Variants in MAP2K1 observed in about 807,000 individuals in gnomAD.
MAP2K1 encodes the protein dual specificity mitogen-activated protein kinase kinase 1.
In MAP2K1, 16 loss-of-function variants were observed where a neutral mutation model predicts 46.3. The observed-to-expected ratio is 0.35, with a 90% CI of 0.23 to 0.52. MAP2K1 has a LOEUF of 0.52. Ranked by LOEUF, MAP2K1 falls within the 20% of genes least tolerant of loss-of-function variation. MAP2K1 has a pLI of 0.94. For synonymous variants in MAP2K1, 183 were observed against 185.6 expected, an observed-to-expected ratio of 0.99 and a Z score of 0.11; for missense variants, 263 against 497.1, an observed-to-expected ratio of 0.53 and a Z score of 4.48.
chr15:66,481,499 TAG>T (rs1478790848), intron 5 of MAP2K1, among the ~76,000 whole-genome samples: 2 of 152,194 alleles, frequency 1.3e-5, no homozygotes, highest in African/African-American at 2.4e-5. Context: ...TCTGCATTCT[TAG>T]AGAGTGGAAA....
At chr15:66,389,463 C>A (rs1437392848) in intron 1 of MAP2K1, among the ~76,000 whole-genome samples, 5 of 151,950 alleles carry the variant, frequency 3.3e-5, no homozygotes, top group Non-Finnish European at 7.4e-5. Flanking sequence ...GAAGAAACTA[C>A]CCCAGATTTG....
At chr15:66,432,409 A>G (rs1260957534) in intron 1 of MAP2K1, among the ~76,000 whole-genome samples, 1 of 152,234 alleles carries the variant, frequency 6.6e-6, no homozygotes, top group Non-Finnish European at 1.5e-5. Flanking sequence ...AGGTGTAAGA[A>G]TTACTTATTT....
Position 66,485,170 on chromosome 15 carries a change from A to G in MAP2K1, c.874A>G (p.Thr292Ala), listed in dbSNP as rs769383345. The G allele has an allele frequency of 7.4e-6, 12 of 1,613,322 alleles. No individual in the cohort carries two copies. The highest frequency in any genetic ancestry group is 1.0e-5 in the Non-Finnish European group (12 of 1,179,914). Residue 292 changes from threonine to alanine, a missense_variant, in exon 7 of 11, where the codon ACC becomes GCC. By Grantham distance (58) the Thr-to-Ala change is moderately conservative. Coordinates refer to ENST00000307102, the MANE Select transcript of MAP2K1 (RefSeq NM_002755.4). ...DAAETPPRPR[T>A]PGRPLSSYGM... ...GGCTGAGACCCCACCCAGGCCAAGG[A>G]CCCCCGGGAGGCCCCTTAGCTGTGA...
At chr15:66,417,106 AT>A (rs2093426436) in intron 1 of MAP2K1, among the ~76,000 whole-genome samples, 1 of 152,090 alleles carries the variant, frequency 6.6e-6, no homozygotes, top group South Asian at 2.1e-4. Flanking sequence ...CCAAAGACTT[AT>A]TTCCCCACCC....
chr15:66,409,974 A>G (rs533336842), intron 1 of MAP2K1, among the ~76,000 whole-genome samples: 3 of 152,308 alleles, frequency 2.0e-5, no homozygotes, highest in African/African-American at 7.2e-5. Flanking sequence ...GAGTATAACC[A>G]CTTGTCCTTA....
intron 2 of MAP2K1, among the ~76,000 whole-genome samples, chr15:66,436,340 A>T (rs914941121): frequency 5.9e-5 from 9 of 152,248 alleles, no homozygotes; most frequent in African/African-American, 2.2e-4. Flanking sequence ...TCTCAACCAC[A>T]TCAGGCTCCT....
At chr15:66,455,070 C>G (rs889904116) in intron 5 of MAP2K1, among the ~76,000 whole-genome samples, 28 of 152,118 alleles carry the variant, frequency 1.8e-4, no homozygotes, top group Non-Finnish European at 4.0e-4. Context: ...CAACTGTCCT[C>G]TCCTAGCCTT....
chr15:66,395,573 A>ATTTTT lies in MAP2K1; in HGVS notation c.80+8161_80+8165dup, dbSNP rs58172562. On this transcript the variant is annotated intron_variant, in intron 1 of 10. Coordinates refer to ENST00000307102, the MANE Select transcript of MAP2K1 (RefSeq NM_002755.4). Reference sequence around the variant, plus strand: ...ATGCCCTCCTCCACTTTCTTGCATGATTTTTTTTTTTTTTTTTTTGAGACG... The same window carrying ATTTTT: ...ATGCCCTCCTCCACTTTCTTGCATGATTTTTTTTTTTTTTTTTTTTTTTTGAGACG... Among the ~76,000 whole-genome samples the ATTTTT allele has an allele frequency of 2.4e-3, 239 of 98,544 alleles. 3 individuals are homozygous for ATTTTT. The highest frequency in any genetic ancestry group is 4.4e-3 in the South Asian group (12 of 2,702). The allele number at this position is 98,544 out of a possible 152,430, so 64.6% of individuals were successfully genotyped here.
intron 5 of MAP2K1, among the ~76,000 whole-genome samples, chr15:66,459,541 A>C (rs62010228): frequency 0.056 from 8,474 of 150,648 alleles, 343 homozygotes; most frequent in Middle Eastern, 0.11. Flanking sequence ...TCACTTGAAC[A>C]TGGGAGGTGG....
chr15:66,426,491 G>C (rs1302298290), intron 1 of MAP2K1, among the ~76,000 whole-genome samples: 1 of 152,102 alleles, frequency 6.6e-6, no homozygotes, highest in African/African-American at 2.4e-5. Flanking sequence ...TGAAAACCTA[G>C]TTCTTCAGTA....
intron 4 of MAP2K1, among the ~76,000 whole-genome samples, 174 bp downstream of exon 4, chr15:66,443,531 A>T (rs760006836): frequency 2.0e-5 from 3 of 151,774 alleles, no homozygotes; most frequent in Non-Finnish European, 4.4e-5. Flanking sequence ...ATTCTCTCTC[A>T]CATTAGAATG....
intron 5 of MAP2K1, among the ~76,000 whole-genome samples, chr15:66,462,699 C>G (rs1423288293): frequency 6.6e-6 from 1 of 151,954 alleles, no homozygotes; most frequent in African/African-American, 2.4e-5. Context: ...GAGAGGGACT[C>G]TTGTGGGTGG....
intron 1 of MAP2K1, among the ~76,000 whole-genome samples, chr15:66,405,243 G>A (rs1051478984): frequency 2.6e-5 from 4 of 152,038 alleles, no homozygotes; most frequent in Admixed American, 1.3e-4. Context: ...TTTTCCACAC[G>A]GCCCTCTCAG....
intron 10 of MAP2K1, 116 bp downstream of exon 10, chr15:66,489,879 T>C (rs1289811165): frequency 5.5e-6 from 5 of 910,468 alleles, no homozygotes; most frequent in Non-Finnish European, 9.2e-6. Flanking sequence ...GTGGTCCAGC[T>C]GAGCCTGGGG....
At chr15:66,446,643 A>G in intron 5 of MAP2K1, 1 of 387,832 alleles carries the variant, frequency 2.6e-6, no homozygotes, top group Non-Finnish European at 5.6e-6. Flanking sequence ...ATACATAAGC[A>G]CATCTCTTGC....
intron 5 of MAP2K1, among the ~76,000 whole-genome samples, chr15:66,477,060 C>G (rs1892770262): frequency 1.3e-5 from 2 of 152,156 alleles, no homozygotes; most frequent in Non-Finnish European, 1.5e-5. Context: ...GCTCCCAGGA[C>G]CAATGTGGTC....
chr15:66,448,368 G>C (rs1470639687), intron 5 of MAP2K1, among the ~76,000 whole-genome samples: 1 of 152,182 alleles, frequency 6.6e-6, no homozygotes, highest in Non-Finnish European at 1.5e-5. Flanking sequence ...TGGTTCTTAA[G>C]TAAGTGCTGG....
At chr15:66,412,075 T>C (rs991381642) in intron 1 of MAP2K1, among the ~76,000 whole-genome samples, 5 of 152,218 alleles carry the variant, frequency 3.3e-5, no homozygotes, top group African/African-American at 1.2e-4. Context: ...GCTGCAATTT[T>C]GCAAATAAAA....
At position 66,447,074 on chromosome 15, in the gene MAP2K1, C is replaced by T. The variant is rs7181494; in HGVS notation, c.568+2367C>T. Among the ~76,000 whole-genome samples the T allele has an allele frequency of 2.9e-3, 441 of 152,230 alleles. 2 individuals are homozygous for T. Among genetic ancestry groups the T allele is most frequent in the African/African-American group, 0.01 (427 of 41,546 alleles). ...ACTGGTGTTGAGAGGAGAGCTGAAG[C>T]GGAGATGAGTGGACTAGGGTGGGCT... is the stretch of plus-strand genomic sequence containing the variant. On this transcript the variant is annotated intron_variant, in intron 5 of 10. Transcript: ENST00000307102.
Sources: allele counts gnomAD v4.1 joint callset (sites outside exome capture counted in the v4.1 genomes callset), GRCh38; gene constraint gnomAD v4.1.1; transcripts MANE v1.5; gene names NCBI Gene and HGNC (gene_info 2026-07-23, HGNC 2026-07-21).